Variants in PCYT1B observed in about 807,000 individuals in gnomAD.
PCYT1B encodes phosphate cytidylyltransferase 1B, choline.
In PCYT1B, 10 loss-of-function variants were observed where a neutral mutation model predicts 26.4. That is an observed-to-expected ratio of 0.38 (90% CI 0.23 to 0.64). PCYT1B has a LOEUF of 0.64. Ranked by LOEUF, PCYT1B falls within the 30% of genes least tolerant of loss-of-function variation. The pLI, the probability that PCYT1B is intolerant of heterozygous loss-of-function variation, is 0.56. For missense variants in PCYT1B, 161 were observed against 292.7 expected (o/e 0.55, Z 3.28); for synonymous variants, 131 against 108.4 (o/e 1.21, Z -1.29).
chrX:24,656,770 G>A (rs1224649732), intron 1 of PCYT1B, among the ~76,000 whole-genome samples: 1 of 108,727 alleles, frequency 9.2e-6, no homozygotes, highest in Non-Finnish European at 1.9e-5. Flanking sequence ...GACCTCAAGT[G>A]ATCCCCCAAC....
At chrX:24,614,517 G>A (rs990360127) in intron 2 of PCYT1B, among the ~76,000 whole-genome samples, 7 of 111,109 alleles carry the variant, frequency 6.3e-5, no homozygotes, top group Admixed American at 1.9e-4. Flanking sequence ...CCAACATGGC[G>A]AAACCAGCTC....
chrX:24,578,993 C>T (rs1924111895), intron 6 of PCYT1B, among the ~76,000 whole-genome samples: 1 of 110,626 alleles, frequency 9.0e-6, no homozygotes, highest in Admixed American at 9.7e-5. Flanking sequence ...AAATACAAAG[C>T]GTTAAGGACA....
chrX:24,615,807 T>C (rs1244694283), intron 2 of PCYT1B, among the ~76,000 whole-genome samples: 1 of 112,056 alleles, frequency 8.9e-6, no homozygotes, highest in Non-Finnish European at 1.9e-5. Context: ...GCAGTGAGCA[T>C]GGCATAGTCC....
intron 7 of PCYT1B, among the ~76,000 whole-genome samples, chrX:24,564,681 T>C (rs1181045796): frequency 9.0e-6 from 1 of 111,119 alleles, no homozygotes; most frequent in Admixed American, 9.5e-5. Flanking sequence ...ATGCATACAG[T>C]TGAGTGACCA....
chrX:24,607,690 T>C, intron 3 of PCYT1B, 55 bp downstream of exon 3: 2 of 637,846 alleles, frequency 3.1e-6, no homozygotes, highest in Non-Finnish European at 5.0e-6. Context: ...GGGGCTCTTT[T>C]CAGAAAGCAT....
intron 1 of PCYT1B, among the ~76,000 whole-genome samples, chrX:24,635,949 A>G (rs1312260838): frequency 8.9e-6 from 1 of 111,904 alleles, no homozygotes; most frequent in Non-Finnish European, 1.9e-5. Context: ...AATGCCATCC[A>G]TTTCCTCAGC....
Position 24,646,998 on chromosome X carries a change from C to T in PCYT1B, c.108G>A (p.Gln36=), listed in dbSNP as rs1569256861. 2 of 1,206,345 alleles carry T rather than the reference C, an allele frequency of 1.7e-6. No homozygotes were observed. Among genetic ancestry groups the T allele is most frequent in the East Asian group, 3.0e-5 (1 of 33,809 alleles). ...TMEEIEHTCP[Q]PRLTLTAPAP... is the part of the protein sequence containing the mutation. Reference sequence around the variant, plus strand: ...CTTTGTCTTTACTTACCAGTCGAGGCTGTGGGCATGTGTGCTCTATTTCCT... The same window carrying T: ...CTTTGTCTTTACTTACCAGTCGAGGTTGTGGGCATGTGTGCTCTATTTCCT... The change falls in exon 1 of 8, where the codon CAG becomes CAA. Residue 36 remains glutamine (Q), a synonymous_variant. Coordinates refer to ENST00000379144, the MANE Select transcript of PCYT1B (RefSeq NM_004845.5).
At chrX:24,623,399 A>ATATATATATATAT (rs1925767270) in intron 1 of PCYT1B, among the ~76,000 whole-genome samples, 11 of 91,507 alleles carry the variant, frequency 1.2e-4, no homozygotes, top group South Asian at 5.4e-4. Context: ...ATATATATAT[A>ATATATATATATAT]ACTTTAAATT....
chrX:24,622,667 T>G (rs1460486162), intron 1 of PCYT1B, among the ~76,000 whole-genome samples: 3 of 112,501 alleles, frequency 2.7e-5, no homozygotes, highest in African/African-American at 9.7e-5. Flanking sequence ...TCATTTAATT[T>G]GTACAACACC....
chrX:24,598,099 T>C (rs1474597746), intron 3 of PCYT1B, among the ~76,000 whole-genome samples: 1 of 112,057 alleles, frequency 8.9e-6, no homozygotes, highest in Non-Finnish European at 1.9e-5. Flanking sequence ...TAGAATATTT[T>C]CTAGAATTAT....
At chrX:24,579,254 G>A (rs2148227272) in intron 6 of PCYT1B, 62 bp downstream of exon 6, 1 of 1,095,757 alleles carries the variant, frequency 9.1e-7, no homozygotes, top group African/African-American at 1.8e-5. Context: ...TCAATAAACA[G>A]CAGCACTGGT....
At chrX:24,648,708 C>T (rs1285304993), upstream of PCYT1B, among the ~76,000 whole-genome samples, 2 of 109,601 alleles carry the variant, frequency 1.8e-5, no homozygotes, top group East Asian at 2.9e-4. Context: ...TGCCAGACCC[C>T]GGACCTGATT....
Position 24,654,689 on chromosome X carries a change from G to A in PCYT1B, c.63+17881C>T, listed in dbSNP as rs1408043532. ...TGCTTGAACCTGGTAGGCAGAGGTT[G>A]CAGTGAGCCGAGATTGCGCCAGTGC... On this transcript the variant is annotated intron_variant, in intron 1 of 7. Coordinates refer to the PCYT1B transcript ENST00000379145. Among the ~76,000 whole-genome samples, 4 of 93,516 alleles carry A rather than the reference G, an allele frequency of 4.3e-5. No homozygotes were observed. In the East Asian group the frequency reaches 1.4e-3, roughly 33 times the overall value. 81.2% of individuals were successfully genotyped at this position (93,516 alleles called of 115,157 possible).
intron 1 of PCYT1B, among the ~76,000 whole-genome samples, chrX:24,641,173 G>A (rs1484581371): frequency 9.0e-6 from 1 of 111,552 alleles, no homozygotes; most frequent in Non-Finnish European, 1.9e-5. Flanking sequence ...ACCTCAAGTG[G>A]TCCACCTGCC....
chrX:24,643,546 T>G, intron 1 of PCYT1B, among the ~76,000 whole-genome samples: 1 of 111,901 alleles, frequency 8.9e-6, no homozygotes, highest in East Asian at 2.8e-4. Context: ...TAGGTAATGC[T>G]TTTGTTATTT....
At chrX:24,643,748 A>G (rs910636712) in intron 1 of PCYT1B, among the ~76,000 whole-genome samples, 20 of 112,387 alleles carry the variant, frequency 1.8e-4, no homozygotes, top group African/African-American at 5.5e-4. Flanking sequence ...TCTAAAATAT[A>G]GACTGCTTTA....
At chrX:24,590,232 C>A in intron 3 of PCYT1B, 58 bp from the exon 4 acceptor site, 2 of 1,062,341 alleles carry the variant, frequency 1.9e-6, no homozygotes, top group South Asian at 4.6e-5. Context: ...CTCACAGCCA[C>A]CCTGGTTCAG....
chrX:24,663,025 T>C (rs1168668223), intron 1 of PCYT1B, among the ~76,000 whole-genome samples: 1 of 112,104 alleles, frequency 8.9e-6, no homozygotes, highest in Admixed American at 9.5e-5. Flanking sequence ...TATGCTGAGG[T>C]TGAGAAGCTC....
chrX:24,590,436 C>G (rs780197480), intron 3 of PCYT1B, among the ~76,000 whole-genome samples: 5 of 112,101 alleles, frequency 4.5e-5, no homozygotes, highest in Non-Finnish European at 7.5e-5. Context: ...ATTCTCTACA[C>G]TACCTAATGT....
Sources: allele counts gnomAD v4.1 joint callset (sites outside exome capture counted in the v4.1 genomes callset), GRCh38; gene constraint gnomAD v4.1.1; transcripts MANE v1.5; gene names NCBI Gene and HGNC (gene_info 2026-07-23, HGNC 2026-07-21).